The following TDO2 variants were observed in gnomAD, a reference collection of about 807,000 sequenced individuals.
The protein encoded by TDO2 is tryptophan 2,3-dioxygenase.
TDO2 carries 63 observed loss-of-function variants against 61.2 expected under a neutral mutation model. That is an observed-to-expected ratio of 1.03 (90% CI 0.84 to 1.27). The LOEUF is 1.27. Among genes scored for constraint, TDO2 ranks in the 50% most tolerant of loss-of-function variants. TDO2 has a pLI of 0.00. For missense variants in TDO2, 494 were observed against 469.5 expected (o/e 1.05, Z -0.48); for synonymous variants, 183 against 164.0 (o/e 1.12, Z -0.89).
chr4:155,904,376 T>C (rs1406836737), intron 2 of TDO2, among the ~76,000 whole-genome samples: 1 of 152,246 alleles, frequency 6.6e-6, no homozygotes, highest in Non-Finnish European at 1.5e-5. Flanking sequence ...GGCGTATACA[T>C]GATAAGATAC....
chr4:155,911,601 T>G lies in TDO2; in HGVS notation c.723T>G (p.Ile241Met). The change falls in exon 7 of 12, where the codon ATT becomes ATG. Residue 241 changes from isoleucine to methionine, a missense_variant. Coordinates refer to ENST00000536354, the MANE Select transcript of TDO2 (RefSeq NM_005651.4). ...GCCTGGAAGAGGAATTCATAAGGAT[T>G]CAGGTATTTAGATGACATGAGTTAA... ...TRGLEEEFIRIQAKEESEEKE... is the reference protein window; with the variant it reads ...TRGLEEEFIRMQAKEESEEKE... 6.4e-7 allele frequency: 1 copy of G among 1,573,584 alleles called. No individual in the cohort carries two copies. Among genetic ancestry groups the G allele is most frequent in the Non-Finnish European group, 8.6e-7 (1 of 1,157,660 alleles).
At chr4:155,908,244 G>A (rs1200482225) in intron 4 of TDO2, among the ~76,000 whole-genome samples, 1 of 152,152 alleles carries the variant, frequency 6.6e-6, no homozygotes, top group East Asian at 1.9e-4. Flanking sequence ...AGGGGAATGG[G>A]GCAATGGGGA....
chr4:155,917,430 T>C lies in TDO2; in HGVS notation c.932T>C (p.Leu311Pro). ...AGGTTCCAGGTGCCTTTTCAGTTGCTGACTTCTCTTATGGACATAGATTCA... is the reference window on the plus strand; with the variant it reads ...AGGTTCCAGGTGCCTTTTCAGTTGCCGACTTCTCTTATGGACATAGATTCA... Reference protein sequence around the residue: ...EPRFQVPFQLLTSLMDIDSLM... With the variant: ...EPRFQVPFQLPTSLMDIDSLM... The change falls in exon 10 of 12, where the codon CTG (leucine) becomes CCG (proline). Residue 311 changes from leucine (L) to proline (P), a missense_variant. Physicochemically the swap from Leu to Pro is moderately conservative, Grantham distance 98. Transcript: ENST00000536354. 1 of 1,611,872 alleles carries C rather than the reference T, an allele frequency of 6.2e-7. No individual in the cohort carries two copies. The highest frequency in any genetic ancestry group is 1.1e-5 in the South Asian group (1 of 90,746).
chr4:155,905,759 G>A (rs1484616012), intron 3 of TDO2: 2 of 152,136 alleles, frequency 1.3e-5, no homozygotes, highest in African/African-American at 4.8e-5. Context: ...AAGCTTTTCA[G>A]TACCACTATA....
Position 155,918,181 on chromosome 4 carries a change from G to A in TDO2, c.1009G>A (p.Gly337Ser), listed in dbSNP as rs762663147. 6 of 1,614,018 alleles carry A rather than the reference G, an allele frequency of 3.7e-6. No homozygotes were observed. The highest frequency in any genetic ancestry group is 4.2e-6 in the Non-Finnish European group (5 of 1,179,942). ...NHVCMVHRML[G>S]SKAGTGGSSG... Reference sequence around the variant, plus strand: ...TGTGTGCATGGTGCACAGAATGCTGGGCAGCAAAGCTGGCACCGGTGGTTC... The same window carrying A: ...TGTGTGCATGGTGCACAGAATGCTGAGCAGCAAAGCTGGCACCGGTGGTTC... Residue 337 changes from glycine to serine, a missense_variant, in exon 11 of 12, where the codon GGC (glycine) becomes AGC (serine). By Grantham distance (56) the Gly-to-Ser change is moderately conservative. Transcript: ENST00000536354.
In TDO2 at chr4:155,903,697, G is replaced by A; in HGVS notation, c.-62G>A. 1.3e-6 allele frequency: 2 copies of A among 1,593,538 alleles called. No homozygotes were observed. Among genetic ancestry groups the A allele is most frequent in the Non-Finnish European group, 1.7e-6 (2 of 1,161,410 alleles). On this transcript the variant is annotated 5_prime_UTR_variant, in exon 1 of 12. Transcript: ENST00000536354. ...AAGGCAGCTGTAGAACATCTGGGAA[G>A]GTCAATGATAGCATCTGCCTAGAGT... is the stretch of plus-strand genomic sequence containing the variant.
intron 4 of TDO2, among the ~76,000 whole-genome samples, 170 bp downstream of exon 4, chr4:155,907,962 A>G (rs575788879): frequency 3.3e-5 from 5 of 152,338 alleles, no homozygotes; most frequent in African/African-American, 1.2e-4. Context: ...TTCCATTGCT[A>G]TTTTGAAATT....
Position 155,914,446 on chromosome 4 carries a change from T to G in TDO2, c.838+12T>G. The G allele has an allele frequency of 6.5e-7, 1 of 1,549,206 alleles. No individual in the cohort carries two copies. Among genetic ancestry groups the G allele is most frequent in the Non-Finnish European group, 8.7e-7 (1 of 1,148,640 alleles). Reference sequence around the variant, plus strand: ...TCTCCTTAGTAAAGGCAGGTATTTTTACTTTATGAATCTTTTCCCTGGAAT... The same window carrying G: ...TCTCCTTAGTAAAGGCAGGTATTTTGACTTTATGAATCTTTTCCCTGGAAT... On this transcript the variant is annotated intron_variant, in intron 8 of 11. Coordinates refer to ENST00000536354, the MANE Select transcript of TDO2 (RefSeq NM_005651.4).
At chr4:155,913,191 G>A (rs1742868798) in intron 7 of TDO2, among the ~76,000 whole-genome samples, 4 of 152,066 alleles carry the variant, frequency 2.6e-5, no homozygotes, top group Admixed American at 2.6e-4. Flanking sequence ...AATCTTTTCA[G>A]AAGGCAAATC....
chr4:155,910,375 T>TA (rs1742809383), intron 6 of TDO2, among the ~76,000 whole-genome samples, 164 bp downstream of exon 6: 1 of 152,182 alleles, frequency 6.6e-6, no homozygotes, highest in African/African-American at 2.4e-5. Flanking sequence ...TTCATGTTAC[T>TA]AAAATATTGA....
In TDO2 at chr4:155,913,125, C is replaced by T. The variant is rs28601721; in HGVS notation, c.727-1198C>T. ...CTATAATAATATCTGAACTGTGCTC[C>T]CCCACCTTCCCAGTATGCCTCTATT... On this transcript the variant is annotated intron_variant, in intron 7 of 11. Coordinates refer to ENST00000536354, the MANE Select transcript of TDO2 (RefSeq NM_005651.4). Among the ~76,000 whole-genome samples the T allele has an allele frequency of 8.2e-3, 1,255 of 152,178 alleles. 17 individuals are homozygous for T. The highest frequency in any genetic ancestry group is 0.029 in the African/African-American group (1,202 of 41,530).
In TDO2 at chr4:155,904,091, A is replaced by G. The variant is rs1324351238; in HGVS notation, c.109A>G (p.Lys37Glu). The G allele has an allele frequency of 6.2e-7, 1 of 1,614,096 alleles. No homozygotes were observed. The highest frequency in any genetic ancestry group is 8.5e-7 in the Non-Finnish European group (1 of 1,179,996). Residue 37 changes from lysine (K) to glutamate (E), a missense_variant, in exon 2 of 12, where the codon AAA becomes GAA. Lys to Glu is a moderately conservative substitution (Grantham distance 56, BLOSUM62 1). Coordinates refer to ENST00000536354, the MANE Select transcript of TDO2 (RefSeq NM_005651.4). ...ACAAACTGGTGTGAATAGAGCCAGC[A>G]AAGGAGGTCTTATCTATGGGAACTA... is the stretch of plus-strand genomic sequence containing the variant. ...KSQTGVNRAS[K>E]GGLIYGNYLH... is the part of the protein sequence containing the mutation.
intron 7 of TDO2, among the ~76,000 whole-genome samples, chr4:155,912,471 A>G (rs1011396399): frequency 5.9e-5 from 9 of 152,160 alleles, no homozygotes; most frequent in African/African-American, 2.2e-4. Flanking sequence ...TTGACCTCGC[A>G]GAAACATTCA....
chr4:155,904,081 T>C lies in TDO2; in HGVS notation c.99T>C (p.Asn33=), dbSNP rs770314552. The C allele has an allele frequency of 3.3e-5, 54 of 1,613,976 alleles. No individual in the cohort carries two copies. The highest frequency in any genetic ancestry group is 1.8e-4 in the Admixed American group (11 of 59,980). ...AAGACAAATCACAAACTGGTGTGAA[T>C]AGAGCCAGCAAAGGAGGTCTTATCT... The part of the protein sequence containing the change: ...SEEDKSQTGV[N]RASKGGLIYG... Residue 33 remains asparagine (N), a synonymous_variant, in exon 2 of 12, where the codon AAT becomes AAC. Coordinates refer to ENST00000536354, the MANE Select transcript of TDO2 (RefSeq NM_005651.4).
Position 155,910,110 on chromosome 4 carries a change from G to C in TDO2, c.517G>C (p.Val173Leu), listed in dbSNP as rs757507794. 1.2e-6 allele frequency: 2 copies of C among 1,600,856 alleles called. No individual in the cohort carries two copies. Among genetic ancestry groups the C allele is most frequent in the Admixed American group, 3.5e-5 (2 of 56,978 alleles). Residue 173 changes from valine (V) to leucine (L), a missense_variant, in exon 6 of 12, where the codon GTC becomes CTC. Transcript: ENST00000536354. ...NKIGVLQNMR[V>L]PYNRRHYRDN... ...GATAGGTGTTCTTCAGAACATGAGA[G>C]TCCCTTATAACAGAAGACATTATCG...
intron 7 of TDO2, among the ~76,000 whole-genome samples, chr4:155,912,793 T>C (rs576132730): frequency 2.0e-5 from 3 of 152,260 alleles, no homozygotes; most frequent in South Asian, 4.1e-4. Context: ...ATGTATATAA[T>C]ACCTTACTTG....
At position 155,918,133 on chromosome 4, in the gene TDO2, T is replaced by C. The variant is rs1178762403; in HGVS notation, c.977-16T>C. ...GTGGAAAAATATCCATGGAGTAAAT[T>C]TGTATGTTTGCCTAGATAACCATGT... On this transcript the variant is annotated splice_polypyrimidine_tract_variant and intron_variant, in intron 10 of 11. Transcript: ENST00000536354. 1.2e-6 allele frequency: 2 copies of C among 1,611,226 alleles called. No individual in the cohort carries two copies. The highest frequency in any genetic ancestry group is 1.7e-5 in the Admixed American group (1 of 59,476).
chr4:155,909,611 A>G (rs187057131), intron 5 of TDO2, among the ~76,000 whole-genome samples: 16 of 152,266 alleles, frequency 1.1e-4, no homozygotes, highest in African/African-American at 3.8e-4. Context: ...AAAGACATTC[A>G]CAAAGATATA....
At chr4:155,916,838 A>G (rs1742947812) in intron 9 of TDO2, among the ~76,000 whole-genome samples, 1 of 152,232 alleles carries the variant, frequency 6.6e-6, no homozygotes. Flanking sequence ...TTTCTTCAAA[A>G]TGGCAACATA....
Sources: allele counts gnomAD v4.1 joint callset (sites outside exome capture counted in the v4.1 genomes callset), GRCh38; gene constraint gnomAD v4.1.1; transcripts MANE v1.5; gene names NCBI Gene and HGNC (gene_info 2026-07-23, HGNC 2026-07-21).